Variants in BRAF observed in about 807,000 individuals in gnomAD.
BRAF encodes B-Raf proto-oncogene, serine/threonine kinase.
A neutral mutation model predicts 104.6 loss-of-function variants in BRAF; 16 were observed. That is an observed-to-expected ratio of 0.15 (90% confidence interval 0.10 to 0.23). The LOEUF is 0.23. Among genes scored for constraint, BRAF ranks in the 10% least tolerant of loss-of-function variants. The pLI, the probability that BRAF is intolerant of heterozygous loss-of-function variation, is 1.00. For missense variants in BRAF, 541 were observed against 937.3 expected, an observed-to-expected ratio of 0.58 and a Z score of 5.52; for synonymous variants, 310 against 341.6, an observed-to-expected ratio of 0.91 and a Z score of 1.02.
rs35843886 is a variant in BRAF at position 140,808,351 on chromosome 7, CA to C, written c.609-290del. 0.11 allele frequency: 22,138 copies of C among 197,348 alleles called. 234 individuals are homozygous for C. Among genetic ancestry groups the C allele is most frequent in the African/African-American group, 0.24 (4,023 of 16,800 alleles). 12.2% of individuals were successfully genotyped at this position (197,348 alleles called of 1,614,324 possible). A position where few individuals can be genotyped will look rare whatever the true frequency, so the allele number is the denominator to read the frequency against. ...CAGAAAATGGATTGTTCCTGGGGTC[CA>C]AAAAAAAAAAAAAAAAAAAAAAAAA... is the stretch of plus-strand genomic sequence containing the variant. On this transcript the variant is annotated intron_variant, in intron 4 of 19. Coordinates refer to ENST00000644969, the MANE Select transcript of BRAF (RefSeq NM_001374258.1).
In BRAF at chr7:140,720,324, G is replaced by A; in HGVS notation, c.*6170C>T. ...GTGGCATGGCCAAAGGAAACACGGA[G>A]GACCCATGGATGCATTTTAAAATGA... is the stretch of plus-strand genomic sequence containing the variant. On this transcript the variant is annotated 3_prime_UTR_variant, in exon 20 of 20. Transcript: ENST00000644969. 9.4e-7 allele frequency: 1 copy of A among 1,062,646 alleles called. No homozygotes were observed. The highest frequency in any genetic ancestry group is 1.1e-6 in the Non-Finnish European group (1 of 877,740). 65.8% of individuals were successfully genotyped at this position (1,062,646 alleles called of 1,614,324 possible). A position where few individuals can be genotyped will look rare whatever the true frequency, so the allele number is the denominator to read the frequency against.
intron 14 of BRAF, among the ~76,000 whole-genome samples, chr7:140,776,198 A>C (rs560889846): frequency 6.6e-6 from 1 of 152,240 alleles, no homozygotes; most frequent in Non-Finnish European, 1.5e-5. Flanking sequence ...AGCAATTTGT[A>C]AAAAACAAAA....
chr7:140,818,438 G>A (rs1805120020), intron 3 of BRAF, among the ~76,000 whole-genome samples: 2 of 151,014 alleles, frequency 1.3e-5, no homozygotes, highest in Non-Finnish European at 1.5e-5. Flanking sequence ...TCAGCCTCCC[G>A]AGTAGCTGGG....
intron 1 of BRAF, among the ~76,000 whole-genome samples, chr7:140,890,394 T>A (rs1351428532): frequency 5.9e-5 from 9 of 152,216 alleles, no homozygotes; most frequent in Non-Finnish European, 1.3e-4. Context: ...ACCAAATCCC[T>A]GTATGTGCTC....
At chr7:140,729,847 ACT>A (rs1022221677) in intron 19 of BRAF, among the ~76,000 whole-genome samples, 72 of 152,140 alleles carry the variant, frequency 4.7e-4, no homozygotes, top group African/African-American at 1.3e-3. Context: ...ACAGAGCAAG[ACT>A]CTGTCTCCAA....
chr7:140,714,016 G>A, the BRAF span, among the ~76,000 whole-genome samples: 10 of 152,160 alleles, frequency 6.6e-5, no homozygotes, highest in East Asian at 3.9e-4. Context: ...CAGTCCGCCC[G>A]TACTGGGGGG....
At position 140,748,258 on chromosome 7, in the gene BRAF, G is replaced by A. The variant is rs373348108; in HGVS notation, c.2112+1029C>T. On this transcript the variant is annotated intron_variant, in intron 17 of 19. Transcript: ENST00000644969. ...ACAGACAAATCACTTAAATGAAGCAGTAACATTTATATACAAAAACTACCA... is the reference window on the plus strand; with the variant it reads ...ACAGACAAATCACTTAAATGAAGCAATAACATTTATATACAAAAACTACCA... Among the ~76,000 whole-genome samples, 11 of 152,234 alleles carry A rather than the reference G, an allele frequency of 7.2e-5. No homozygotes were observed. The East Asian group carries it at 9.6e-4, about 13-fold the overall frequency.
chr7:140,913,129 G>A (rs1181812439), intron 1 of BRAF, among the ~76,000 whole-genome samples: 2 of 151,936 alleles, frequency 1.3e-5, no homozygotes, highest in Non-Finnish European at 2.9e-5. Context: ...TATTTAAATT[G>A]CTACCTACCC....
intron 14 of BRAF, among the ~76,000 whole-genome samples, chr7:140,772,062 G>A (rs1232546444): frequency 2.6e-5 from 4 of 152,108 alleles, no homozygotes; most frequent in Non-Finnish European, 5.9e-5. Flanking sequence ...AATTCCATCT[G>A]TGCCATTTGA....
intron 17 of BRAF, among the ~76,000 whole-genome samples, chr7:140,743,535 G>GA (rs1797104490): frequency 6.6e-6 from 1 of 151,948 alleles, no homozygotes; most frequent in Non-Finnish European, 1.5e-5. Flanking sequence ...AGAACACGTG[G>GA]ACACAGGAAG....
chr7:140,799,229 C>T (rs890182695), intron 7 of BRAF: 27 of 227,800 alleles, frequency 1.2e-4, no homozygotes, highest in African/African-American at 5.1e-4. Flanking sequence ...TTTTCTTTTA[C>T]GCTTTATGAA....
chr7:140,794,216 G>C (rs1212215060), intron 8 of BRAF, 92 bp downstream of exon 8: 4 of 1,439,384 alleles, frequency 2.8e-6, no homozygotes, highest in Non-Finnish European at 3.9e-6. Context: ...AATGAAAAAT[G>C]GCACTTATTT....
At chr7:140,894,747 T>A (rs2129121553) in intron 1 of BRAF, among the ~76,000 whole-genome samples, 1 of 151,826 alleles carries the variant, frequency 6.6e-6, no homozygotes, top group Admixed American at 6.6e-5. Context: ...AACTGCCTTA[T>A]CAACAAAATA....
chr7:140,787,967 A>C (rs1801567134), intron 8 of BRAF, among the ~76,000 whole-genome samples: 1 of 152,138 alleles, frequency 6.6e-6, no homozygotes, highest in Admixed American at 6.6e-5. Flanking sequence ...GAAACAACAC[A>C]TACTGGGGCC....
At position 140,889,999 on chromosome 7, in the gene BRAF, TA is replaced by T. The variant is rs562630211; in HGVS notation, c.138+34566del. Reference sequence around the variant, plus strand: ...ACCTTTCTAAACCATATCTAACTCTTAGGGTTGTGGTGAAGACTTATGGTAA... The same window carrying T: ...ACCTTTCTAAACCATATCTAACTCTTGGGTTGTGGTGAAGACTTATGGTAA... On this transcript the variant is annotated intron_variant, in intron 1 of 19. Transcript: ENST00000644969. Among the ~76,000 whole-genome samples the T allele has an allele frequency of 1.6e-3, 247 of 152,284 alleles. 1 individual carries two copies. Among genetic ancestry groups the T allele is most frequent in the Middle Eastern group, 0.014 (4 of 294 alleles).
intron 3 of BRAF, among the ~76,000 whole-genome samples, chr7:140,812,509 T>C (rs547148835): frequency 6.6e-6 from 1 of 152,338 alleles, no homozygotes; most frequent in South Asian, 2.1e-4. Context: ...AATATGGCTA[T>C]GCTCCCTCAT....
In BRAF at chr7:140,785,828, G is replaced by A. The variant is rs555944045; in HGVS notation, c.1178-20C>T. 6 of 398,946 alleles carry A rather than the reference G, an allele frequency of 1.5e-5. No homozygotes were observed. The Admixed American group carries it at 2.6e-4, about 18-fold the overall frequency. 24.7% of individuals were successfully genotyped at this position (398,946 alleles called of 1,614,324 possible). A position where few individuals can be genotyped will look rare whatever the true frequency, so the allele number is the denominator to read the frequency against. Reference sequence around the variant, plus strand: ...AAGGGGCTGTTAGAAGAGAAAGAGAGGGGCAGGCAAACACAGGAAGACAGA... The same window carrying A: ...AAGGGGCTGTTAGAAGAGAAAGAGAAGGGCAGGCAAACACAGGAAGACAGA... On this transcript the variant is annotated intron_variant, in intron 9 of 19. Transcript: ENST00000644969.
intron 11 of BRAF, among the ~76,000 whole-genome samples, chr7:140,782,449 T>C (rs1800968655): frequency 7.2e-6 from 1 of 138,670 alleles, no homozygotes; most frequent in Non-Finnish European, 1.5e-5. Flanking sequence ...GTATCTTATC[T>C]AATTCGGTCT....
intron 18 of BRAF, 34 bp downstream of exon 17, chr7:140,739,778 C>A: frequency 6.2e-7 from 1 of 1,610,658 alleles, no homozygotes; most frequent in Non-Finnish European, 8.5e-7. Context: ...GAATGTTAGT[C>A]TGTTCTTTTG....
Sources: gnomAD v4.1 joint callset for allele counts (sites outside exome capture counted in the v4.1 genomes callset) on GRCh38, gnomAD v4.1.1 for gene constraint, MANE v1.5 for transcripts, NCBI Gene and HGNC (gene_info 2026-07-23, HGNC 2026-07-21) for gene names.